The following PTPRN2 variants were observed in gnomAD, a reference collection of about 807,000 sequenced individuals.
The protein encoded by PTPRN2 is receptor-type tyrosine-protein phosphatase N2.
A neutral mutation model predicts 118.8 loss-of-function variants in PTPRN2; 74 were observed. The ratio of observed to expected loss-of-function variants is 0.62; its 90% confidence interval spans 0.52 to 0.76. PTPRN2 has a LOEUF of 0.76. PTPRN2 is among the 30% of genes least tolerant of loss of function. The pLI is 0.00. For synonymous variants in PTPRN2, 641 were observed against 608.0 expected, an observed-to-expected ratio of 1.05 and a Z score of -0.80; for missense variants, 1,481 against 1,394.4, an observed-to-expected ratio of 1.06 and a Z score of -0.99.
intron 11 of PTPRN2, among the ~76,000 whole-genome samples, chr7:157,923,772 T>A (rs1301147991): frequency 6.6e-6 from 1 of 152,078 alleles, no homozygotes; most frequent in Admixed American, 6.5e-5. Flanking sequence ...AGATAAGAAA[T>A]GTGTTTTCAG....
At chr7:158,075,048 G>A (rs921014047) in intron 11 of PTPRN2, among the ~76,000 whole-genome samples, 8 of 152,286 alleles carry the variant, frequency 5.3e-5, no homozygotes, top group Admixed American at 2.0e-4. Context: ...TGTTGTCTGC[G>A]CTCAGGGTAA....
At position 158,479,164 on chromosome 7, in the gene PTPRN2, C is replaced by T. The variant is rs547211890; in HGVS notation, c.163+10571G>A. On this transcript the variant is annotated intron_variant, in intron 2 of 22. Transcript: ENST00000389418. ...GCGGCCTAGAACAAGTCACCGAACT[C>T]TTCTGAATTCCAATTTCCTCACCCT... Among the ~76,000 whole-genome samples the T allele has an allele frequency of 2.6e-3, 389 of 152,206 alleles. 5 individuals carry two copies. The highest frequency in any genetic ancestry group is 3.1e-3 in the Non-Finnish European group (213 of 68,020).
intron 11 of PTPRN2, among the ~76,000 whole-genome samples, chr7:158,032,921 T>C (rs757885121): frequency 6.6e-5 from 10 of 152,152 alleles, no homozygotes; most frequent in Non-Finnish European, 1.2e-4. Context: ...TCAAAAGGCA[T>C]TACTGCAGAG....
chr7:157,664,722 G>A (rs761014700), intron 13 of PTPRN2, among the ~76,000 whole-genome samples: 5 of 152,196 alleles, frequency 3.3e-5, no homozygotes, highest in Non-Finnish European at 7.3e-5. Flanking sequence ...TTGCACCAAT[G>A]CACTCCAACC....
At chr7:158,280,028 C>A (rs1047339463) in intron 3 of PTPRN2, among the ~76,000 whole-genome samples, 1 of 151,578 alleles carries the variant, frequency 6.6e-6, no homozygotes, top group South Asian at 2.1e-4. Flanking sequence ...CACAGAGCCC[C>A]GCGGCGGCCC....
intron 3 of PTPRN2, among the ~76,000 whole-genome samples, chr7:158,231,070 C>T (rs973695351): frequency 1.3e-5 from 2 of 152,116 alleles, no homozygotes; most frequent in African/African-American, 4.8e-5. Flanking sequence ...AGTTCAAGGC[C>T]AGCCTGGGCA....
intron 11 of PTPRN2, among the ~76,000 whole-genome samples, chr7:158,034,584 C>A (rs893227334): frequency 1.3e-5 from 2 of 152,170 alleles, no homozygotes; most frequent in Non-Finnish European, 2.9e-5. Flanking sequence ...ACTGTAAGTC[C>A]ATTAAACCTC....
intron 2 of PTPRN2, among the ~76,000 whole-genome samples, chr7:158,357,893 G>GCC (rs1314578273): frequency 5.3e-5 from 8 of 152,182 alleles, no homozygotes; most frequent in Non-Finnish European, 8.8e-5. Flanking sequence ...CAACTAGAGG[G>GCC]CCCCGGCCAA....
intron 3 of PTPRN2, among the ~76,000 whole-genome samples, chr7:158,213,389 G>A (rs912484998): frequency 5.9e-5 from 9 of 151,794 alleles, no homozygotes; most frequent in Admixed American, 1.3e-4. Flanking sequence ...TGTTATAGAC[G>A]GCAAATTAAA....
intron 2 of PTPRN2, among the ~76,000 whole-genome samples, chr7:158,332,684 C>G (rs1285411828): frequency 2.0e-5 from 3 of 148,522 alleles, no homozygotes; most frequent in African/African-American, 7.7e-5. Context: ...CACCCACACT[C>G]TAACCATAAG....
rs756265614 is a variant in PTPRN2 at position 158,081,259 on chromosome 7, CGT to C, written c.1723+37_1723+38del. ...TTGCGTGCGTGTGTGTGTGCACACA[CGT>C]GTGTGTGCGTGTACGTGTGTGTGGA... On this transcript the variant is annotated intron_variant, in intron 11 of 22. Coordinates refer to ENST00000389418, the MANE Select transcript of PTPRN2 (RefSeq NM_002847.5). 7.8e-6 allele frequency: 12 copies of C among 1,542,130 alleles called. No individual in the cohort carries two copies. The East Asian group carries it at 1.3e-4, about 17-fold the overall frequency.
intron 3 of PTPRN2, among the ~76,000 whole-genome samples, chr7:158,224,185 GA>G (rs1268098316): frequency 4.6e-5 from 7 of 152,146 alleles, no homozygotes; most frequent in Non-Finnish European, 1.0e-4. Context: ...ACTCTCCCCA[GA>G]TTGATACAGA....
rs1824228081 is a variant in PTPRN2, at chr7:158,522,317, T to TGCTGGCTCGGG, written c.113-32533_113-32532insCCCGAGCCAGC. Among the ~76,000 whole-genome samples, 2 of 99,680 alleles carry TGCTGGCTCGGG rather than the reference T, an allele frequency of 2.0e-5. 1 individual carries two copies. Among genetic ancestry groups the TGCTGGCTCGGG allele is most frequent in the Non-Finnish European group, 4.0e-5 (2 of 50,168 alleles). The allele number at this position is 99,680 out of a possible 152,430, so 65.4% of individuals were successfully genotyped here. On this transcript the variant is annotated intron_variant, in intron 1 of 22. Coordinates refer to ENST00000389418, the MANE Select transcript of PTPRN2 (RefSeq NM_002847.5). ...ACGTCACAATGGTGGACTGTCCGGGTAGTGGCTCGGGAGGGAGGTCCACGT... is the reference window on the plus strand; with the variant it reads ...ACGTCACAATGGTGGACTGTCCGGGTGCTGGCTCGGGAGTGGCTCGGGAGGGAGGTCCACGT...
At chr7:158,344,893 A>G (rs757440754) in intron 2 of PTPRN2, among the ~76,000 whole-genome samples, 70 of 152,306 alleles carry the variant, frequency 4.6e-4, no homozygotes, top group Admixed American at 2.3e-3. Context: ...TGGTTTGCAC[A>G]TGTCCTGTCA....
In PTPRN2 at chr7:158,578,760, T is replaced by TG. The variant is rs548284023; in HGVS notation, c.112+8797_112+8798insC. Among the ~76,000 whole-genome samples, 946 of 152,002 alleles carry TG rather than the reference T, an allele frequency of 6.2e-3. 15 individuals are homozygous for TG. Among genetic ancestry groups the TG allele is most frequent in the African/African-American group, 0.021 (879 of 41,438 alleles). On this transcript the variant is annotated intron_variant, in intron 1 of 22. Transcript: ENST00000389418. The stretch of plus-strand genomic sequence containing the variant: ...CTTAAGTCCTACTTCTTCTCTTTTT[T>TG]TTTTTGTTGTTGTTGTTGTTGAGAC...
chr7:158,410,604 G>A (rs774537966), intron 2 of PTPRN2, among the ~76,000 whole-genome samples: 28 of 152,188 alleles, frequency 1.8e-4, no homozygotes, highest in Middle Eastern at 3.2e-3. Context: ...CCCCAACTTC[G>A]GTAAAGTGAA....
chr7:157,818,262 G>C (rs761736629), intron 12 of PTPRN2, among the ~76,000 whole-genome samples: 12 of 152,182 alleles, frequency 7.9e-5, no homozygotes, highest in African/African-American at 2.9e-4. Flanking sequence ...TGTATGGTAT[G>C]TGTGTGGTAG....
intron 12 of PTPRN2, among the ~76,000 whole-genome samples, chr7:157,701,620 C>A (rs1798070273): frequency 6.6e-6 from 1 of 152,218 alleles, no homozygotes; most frequent in Non-Finnish European, 1.5e-5. Context: ...CCCTTCCTAC[C>A]CGAAGTTCTG....
intron 3 of PTPRN2, among the ~76,000 whole-genome samples, chr7:158,275,895 G>A (rs533248166): frequency 6.6e-6 from 1 of 152,286 alleles, no homozygotes; most frequent in South Asian, 2.1e-4. Flanking sequence ...CCTTCCCAAG[G>A]AGCTGGTCCC....
Sources: gnomAD v4.1 joint callset for allele counts (sites outside exome capture counted in the v4.1 genomes callset) on GRCh38, gnomAD v4.1.1 for gene constraint, MANE v1.5 for transcripts, NCBI Gene and HGNC (gene_info 2026-07-23, HGNC 2026-07-21) for gene names.